Variants in SLC44A1 observed in about 807,000 individuals in gnomAD.
SLC44A1 encodes choline transporter-like protein 1.
A neutral mutation model predicts 79.3 loss-of-function variants in SLC44A1; 26 were observed. That is an observed-to-expected ratio of 0.33 (90% confidence interval 0.24 to 0.46). The LOEUF is 0.46. Among genes scored for constraint, SLC44A1 ranks in the 20% least tolerant of loss-of-function variants. The pLI, the probability that SLC44A1 is intolerant of heterozygous loss-of-function variation, is 1.00. For synonymous variants in SLC44A1, 263 were observed against 286.2 expected (o/e 0.92, Z 0.82); for missense variants, 688 against 798.1 (o/e 0.86, Z 1.66).
chr9:105,334,601 A>G (rs578172912), intron 3 of SLC44A1, among the ~76,000 whole-genome samples: 1 of 152,142 alleles, frequency 6.6e-6, no homozygotes, highest in Non-Finnish European at 1.5e-5. Context: ...CTGGAGATTC[A>G]TTTTAGGTGG....
intron 1 of SLC44A1, among the ~76,000 whole-genome samples, chr9:105,297,501 A>G (rs1430188638): frequency 6.6e-6 from 1 of 152,160 alleles, no homozygotes; most frequent in Non-Finnish European, 1.5e-5. Flanking sequence ...TTCCTGCCTC[A>G]GCCTCCCAAG....
chr9:105,342,814 T>A (rs971226751), intron 4 of SLC44A1, among the ~76,000 whole-genome samples: 2 of 152,104 alleles, frequency 1.3e-5, no homozygotes. Flanking sequence ...ATTTTTGCAC[T>A]TGCTATCTAA....
intron 5 of SLC44A1, among the ~76,000 whole-genome samples, chr9:105,355,656 CTT>C (rs1827600333): frequency 6.6e-6 from 1 of 152,092 alleles, no homozygotes; most frequent in African/African-American, 2.4e-5. Flanking sequence ...CTCAGCATGA[CTT>C]TGTTTATATG....
chr9:105,244,691 G>C lies in SLC44A1; in HGVS notation c.-178G>C, dbSNP rs1460715645. On this transcript the variant is annotated 5_prime_UTR_variant, in exon 1 of 16. Transcript: ENST00000374720. The stretch of plus-strand genomic sequence containing the variant: ...GTCGCCGCCGCCGGGGGATGTGGCC[G>C]GCGCCTGCCTCTAGCCGCGCCGCCT... The C allele has an allele frequency of 6.7e-6, 2 of 298,710 alleles. No individual in the cohort carries two copies. Among genetic ancestry groups the C allele is most frequent in the Non-Finnish European group, 1.2e-5 (2 of 164,254 alleles). The allele number at this position is 298,710 out of a possible 1,614,324, so 18.5% of individuals were successfully genotyped here. A position where few individuals can be genotyped will look rare whatever the true frequency, so the allele number is the denominator to read the frequency against.
chr9:105,285,462 A>C (rs1384283404), intron 1 of SLC44A1, among the ~76,000 whole-genome samples: 3 of 152,230 alleles, frequency 2.0e-5, no homozygotes, highest in African/African-American at 7.2e-5. Flanking sequence ...AAAAAAAAAT[A>C]ATTTACCCAC....
chr9:105,246,282 A>G (rs1446854752), intron 1 of SLC44A1, among the ~76,000 whole-genome samples: 2 of 152,068 alleles, frequency 1.3e-5, no homozygotes, highest in African/African-American at 2.4e-5. Flanking sequence ...AAAATCTGAG[A>G]TCTGTTAGAG....
At chr9:105,310,230 G>C (rs539704232) in intron 3 of SLC44A1, among the ~76,000 whole-genome samples, 23 of 152,146 alleles carry the variant, frequency 1.5e-4, no homozygotes, top group African/African-American at 5.3e-4. Context: ...CTTAATGGGA[G>C]ACAGAGGGAT....
chr9:105,358,482 G>T, intron 7 of SLC44A1, 49 bp downstream of exon 7: 3 of 920,968 alleles, frequency 3.3e-6, no homozygotes, highest in South Asian at 2.8e-5. Flanking sequence ...TAACTACTTT[G>T]GTAGAAAATA....
chr9:105,353,393 C>T (rs1056710978), intron 5 of SLC44A1, among the ~76,000 whole-genome samples: 1 of 152,006 alleles, frequency 6.6e-6, no homozygotes, highest in Non-Finnish European at 1.5e-5. Flanking sequence ...TCTGGTCATT[C>T]TCTTTTAAAA....
At chr9:105,412,267 G>A (rs929705199) in intron 15 of SLC44A1, among the ~76,000 whole-genome samples, 1 of 152,118 alleles carries the variant, frequency 6.6e-6, no homozygotes, top group African/African-American at 2.4e-5. Flanking sequence ...TCAAATCCCA[G>A]ATTGTTACTT....
intron 5 of SLC44A1, among the ~76,000 whole-genome samples, chr9:105,355,664 A>G (rs1702211468): frequency 6.6e-6 from 1 of 152,202 alleles, no homozygotes; most frequent in Non-Finnish European, 1.5e-5. Context: ...GACTTTGTTT[A>G]TATGAGAGGT....
intron 15 of SLC44A1, among the ~76,000 whole-genome samples, chr9:105,421,580 CTCTT>C (rs1336523234): frequency 6.8e-6 from 1 of 146,720 alleles, no homozygotes; most frequent in Non-Finnish European, 1.5e-5. Context: ...CTTCAGAAAT[CTCTT>C]TTTTTTTTTT....
chr9:105,296,505 T>C (rs1830725180), intron 1 of SLC44A1, among the ~76,000 whole-genome samples: 1 of 152,222 alleles, frequency 6.6e-6, no homozygotes, highest in Non-Finnish European at 1.5e-5. Context: ...AAGAAAATAG[T>C]TGGGGATAAA....
Position 105,365,480 on chromosome 9 carries a change from T to C in SLC44A1, c.1254-3T>C, listed in dbSNP as rs754482357. The C allele has an allele frequency of 1.2e-6, 2 of 1,608,554 alleles. No individual in the cohort carries two copies. Among genetic ancestry groups the C allele is most frequent in the South Asian group, 2.2e-5 (2 of 90,630 alleles). ...ATTGTCTTTTTGGTCATTTTTTAAA[T>C]AGGGATAAAAGGAATTTGCCATTTA... On this transcript the variant is annotated splice_region_variant and splice_polypyrimidine_tract_variant and intron_variant, in intron 10 of 15. Coordinates refer to ENST00000374720, the MANE Select transcript of SLC44A1 (RefSeq NM_080546.5).
In SLC44A1 at chr9:105,245,435, C is replaced by G. The variant is rs1046426298; in HGVS notation, c.36+531C>G. Among the ~76,000 whole-genome samples the G allele has an allele frequency of 2.6e-5, 4 of 152,348 alleles. No individual in the cohort carries two copies. In the East Asian group the frequency reaches 5.8e-4, roughly 22 times the overall value. ...TGTCCCTTTTCTCTTGCCCGCTGCC[C>G]CCTGGCTGGGTTCAGATGGTTTCAG... On this transcript the variant is annotated intron_variant, in intron 1 of 15. Coordinates refer to ENST00000374720, the MANE Select transcript of SLC44A1 (RefSeq NM_080546.5).
chr9:105,257,006 G>A (rs1178570246), intron 1 of SLC44A1, among the ~76,000 whole-genome samples: 5 of 151,822 alleles, frequency 3.3e-5, no homozygotes, highest in East Asian at 1.9e-4. Context: ...GGCTGCTCTC[G>A]AACTCCTGAC....
At chr9:105,433,273 G>A (rs925184313) in intron 15 of SLC44A1, among the ~76,000 whole-genome samples, 4 of 152,086 alleles carry the variant, frequency 2.6e-5, no homozygotes, top group Non-Finnish European at 5.9e-5. Flanking sequence ...TCCAGTCTGC[G>A]CGATGGGAGC....
chr9:105,249,865 A>ATTT (rs71501461), intron 1 of SLC44A1, among the ~76,000 whole-genome samples: 16 of 127,386 alleles, frequency 1.3e-4, no homozygotes, highest in Non-Finnish European at 2.1e-4. Flanking sequence ...CAGTTTACTA[A>ATTT]TTTTTTTTTT....
intron 12 of SLC44A1, among the ~76,000 whole-genome samples, chr9:105,368,953 G>T (rs563811401): frequency 3.9e-5 from 6 of 152,264 alleles, no homozygotes; most frequent in African/African-American, 1.2e-4. Flanking sequence ...CAGGAGAATC[G>T]CTTGAACCTG....
Sources: allele counts gnomAD v4.1 joint callset (sites outside exome capture counted in the v4.1 genomes callset), GRCh38; gene constraint gnomAD v4.1.1; transcripts MANE v1.5; gene names NCBI Gene and HGNC (gene_info 2026-07-23, HGNC 2026-07-21).